RARB: variants seen among roughly 807,000 people sequenced by gnomAD.
RARB encodes retinoic acid receptor beta, also known as HBV-activated protein.
In RARB, 17 loss-of-function variants were observed where a neutral mutation model predicts 51.9. The observed-to-expected ratio is 0.33, with a 90% confidence interval of 0.22 to 0.49. RARB has a LOEUF of 0.49. RARB is among the 20% of genes least tolerant of loss of function. RARB has a pLI of 0.99. For missense variants in RARB, 369 were observed against 550.8 expected (o/e 0.67, Z 3.30); for synonymous variants, 215 against 195.4 (o/e 1.10, Z -0.84).
At chr3:25,257,644 G>A (rs1319877192) in intron 5 of RARB, among the ~76,000 whole-genome samples, 7 of 152,136 alleles carry the variant, frequency 4.6e-5, no homozygotes, top group African/African-American at 9.6e-5. Context: ...GTCCAAGTTC[G>A]TCCAAGTCCT....
chr3:25,332,107 C>G (rs1704915928), intron 5 of RARB, among the ~76,000 whole-genome samples: 1 of 152,174 alleles, frequency 6.6e-6, no homozygotes, highest in African/African-American at 2.4e-5. Context: ...CAAAGACGAG[C>G]TGGTACCATT....
chr3:25,354,222 C>T (rs1477099479), intron 5 of RARB, among the ~76,000 whole-genome samples: 1 of 152,134 alleles, frequency 6.6e-6, no homozygotes, highest in Admixed American at 6.6e-5. Flanking sequence ...TAATGTGACT[C>T]ATGGAACTTT....
At chr3:25,515,441 A>T (rs79537404) in intron 3 of RARB, among the ~76,000 whole-genome samples, 7,305 of 152,298 alleles carry the variant, frequency 0.048, 223 homozygotes, top group Non-Finnish European at 0.071. Context: ...AGAAATGAGA[A>T]TATGGACCCA....
intron 5 of RARB, among the ~76,000 whole-genome samples, chr3:25,284,917 C>T (rs913510836): frequency 6.6e-6 from 1 of 152,120 alleles, no homozygotes; most frequent in Non-Finnish European, 1.5e-5. Flanking sequence ...ATGTGAGAGT[C>T]CTGGAAGCAA....
At chr3:25,591,615 G>A (rs757343514) in intron 5 of RARB, among the ~76,000 whole-genome samples, 1 of 152,162 alleles carries the variant, frequency 6.6e-6, no homozygotes, top group African/African-American at 2.4e-5. Flanking sequence ...ACAATTCATG[G>A]GTTGATAGGA....
intron 5 of RARB, among the ~76,000 whole-genome samples, chr3:25,208,348 C>T (rs1264835096): frequency 6.6e-6 from 1 of 152,180 alleles, no homozygotes; most frequent in African/African-American, 2.4e-5. Context: ...ATAAGTTCAT[C>T]AGAAGTCTCA....
chr3:25,530,147 C>T (rs535694937), intron 3 of RARB, among the ~76,000 whole-genome samples: 26 of 152,152 alleles, frequency 1.7e-4, no homozygotes, highest in Non-Finnish European at 2.8e-4. Flanking sequence ...GTTATCTACC[C>T]CTTATATCCC....
chr3:25,042,091 T>C (rs1698126321), intron 2 of RARB, among the ~76,000 whole-genome samples: 1 of 152,220 alleles, frequency 6.6e-6, no homozygotes, highest in Admixed American at 6.5e-5. Context: ...GAAAGCCAGA[T>C]GCCACTGTGC....
intron 5 of RARB, among the ~76,000 whole-genome samples, chr3:25,184,948 A>C (rs923189051): frequency 6.6e-6 from 1 of 152,184 alleles, no homozygotes; most frequent in East Asian, 1.9e-4. Flanking sequence ...ATTCATTATT[A>C]TTATCCATGC....
chr3:25,166,220 C>T (rs1419997912), intron 4 of RARB, among the ~76,000 whole-genome samples: 11 of 152,074 alleles, frequency 7.2e-5, no homozygotes, highest in Admixed American at 7.2e-4. Context: ...GTAATTTTAT[C>T]AGCAATATTT....
chr3:25,166,129 T>G (rs989277024), intron 4 of RARB, among the ~76,000 whole-genome samples: 1 of 152,104 alleles, frequency 6.6e-6, no homozygotes, highest in Non-Finnish European at 1.5e-5. Context: ...TCTCCTTTAT[T>G]CCCAAATTAA....
chr3:24,890,856 A>T (rs935388268), intron 2 of RARB, among the ~76,000 whole-genome samples: 1 of 152,060 alleles, frequency 6.6e-6, no homozygotes, highest in South Asian at 2.1e-4. Flanking sequence ...AATAAAAAAA[A>T]ATGCGGTTTG....
intron 7 of RARB, among the ~76,000 whole-genome samples, chr3:25,595,363 T>C (rs1282019640): frequency 6.6e-6 from 1 of 152,206 alleles, no homozygotes; most frequent in Non-Finnish European, 1.5e-5. Context: ...AGCCAAGGAA[T>C]AAACTCTGTA....
At chr3:24,973,476 T>C (rs1696445429) in intron 2 of RARB, among the ~76,000 whole-genome samples, 1 of 152,076 alleles carries the variant, frequency 6.6e-6, no homozygotes, top group Admixed American at 6.6e-5. Context: ...ATACAAATTT[T>C]AGAATTTTTT....
intron 4 of RARB, among the ~76,000 whole-genome samples, chr3:25,149,811 C>T (rs1186797129): frequency 6.6e-6 from 1 of 152,192 alleles, no homozygotes; most frequent in African/African-American, 2.4e-5. Flanking sequence ...ACAACTGTGT[C>T]ATACTCCTCA....
chr3:25,593,940 T>G (rs924172308), intron 6 of RARB, among the ~76,000 whole-genome samples: 2 of 151,978 alleles, frequency 1.3e-5, no homozygotes, highest in Non-Finnish European at 2.9e-5. Flanking sequence ...TTACTCCAAT[T>G]GCCACAGATT....
rs558325713 is a variant in RARB, at chr3:25,221,015, T to TACAC, written c.178+46453_178+46456dup. 3.4e-3 allele frequency among the ~76,000 whole-genome samples: 507 copies of TACAC among 151,254 alleles called. 2 individuals are homozygous for TACAC. The highest frequency in any genetic ancestry group is 0.014 in the Middle Eastern group (4 of 294). ...TTGTTTTTAAGGCTCCCTCCCCTGC[T>TACAC]ACACACACACACACACTCAACACCT... On this transcript the variant is annotated intron_variant, in intron 5 of 11. Transcript: ENST00000383772.
chr3:25,484,031 A>C (rs1326301719), intron 2 of RARB, among the ~76,000 whole-genome samples: 1 of 152,236 alleles, frequency 6.6e-6, no homozygotes. Context: ...TGGAAATCCT[A>C]ATATTTTCTA....
intron 5 of RARB, among the ~76,000 whole-genome samples, chr3:25,321,330 CTG>C (rs1461838064): frequency 6.6e-6 from 1 of 152,114 alleles, no homozygotes; most frequent in African/African-American, 2.4e-5. Context: ...CCAAAGGTAA[CTG>C]AATATTGGTA....
Sources: gnomAD v4.1 joint callset for allele counts (sites outside exome capture counted in the v4.1 genomes callset) on GRCh38, gnomAD v4.1.1 for gene constraint, MANE v1.5 for transcripts, NCBI Gene and HGNC (gene_info 2026-07-23, HGNC 2026-07-21) for gene names.